The following LRMDA variants were observed in gnomAD, a reference collection of about 807,000 sequenced individuals.
The protein encoded by LRMDA is leucine rich melanocyte differentiation associated.
LRMDA carries 18 observed loss-of-function variants against 29.8 expected under a neutral mutation model. The ratio of observed to expected loss-of-function variants is 0.60; its 90% CI spans 0.42 to 0.90. The LOEUF is 0.90. Ranked by LOEUF, LRMDA falls within the 40% of genes least tolerant of loss-of-function variation. The pLI is 0.00. For missense variants in LRMDA, 273 were observed against 273.9 expected (o/e 1.00, Z 0.02); for synonymous variants, 125 against 109.4 (o/e 1.14, Z -0.89).
intron 5 of LRMDA, among the ~76,000 whole-genome samples, chr10:76,108,488 A>G (rs973819809): frequency 6.6e-6 from 1 of 152,194 alleles, no homozygotes; most frequent in African/African-American, 2.4e-5. Context: ...GTGCAAGGGT[A>G]TGTGTGTATA....
intron 4 of LRMDA, among the ~76,000 whole-genome samples, chr10:76,048,685 G>A (rs377217406): frequency 6.6e-6 from 1 of 152,138 alleles, no homozygotes; most frequent in African/African-American, 2.4e-5. Context: ...CAGTCCATAG[G>A]TGTTTCTGAT....
intron 1 of LRMDA, among the ~76,000 whole-genome samples, chr10:75,433,723 G>A (rs1299898204): frequency 6.6e-6 from 1 of 152,164 alleles, no homozygotes; most frequent in Non-Finnish European, 1.5e-5. Flanking sequence ...TGAGCCCATA[G>A]TGTGAATATA....
intron 5 of LRMDA, among the ~76,000 whole-genome samples, chr10:76,287,183 T>C (rs1358346521): frequency 7.6e-6 from 1 of 132,410 alleles, no homozygotes; most frequent in Non-Finnish European, 1.7e-5. Flanking sequence ...ATTTTGGTGG[T>C]GAATCTGGTT....
chr10:75,921,977 C>T (rs1846030738), intron 2 of LRMDA, among the ~76,000 whole-genome samples: 1 of 152,204 alleles, frequency 6.6e-6, no homozygotes. Context: ...CCTCTTCCTT[C>T]CCCCCAACAT....
chr10:75,839,809 C>T (rs375921031), intron 2 of LRMDA, among the ~76,000 whole-genome samples: 8 of 149,816 alleles, frequency 5.3e-5, no homozygotes, highest in East Asian at 2.0e-4. Context: ...CCCAGGTTCG[C>T]GCCATTCTTC....
chr10:75,467,886 G>A (rs1026469300), intron 2 of LRMDA, among the ~76,000 whole-genome samples: 4 of 151,662 alleles, frequency 2.6e-5, no homozygotes, highest in South Asian at 4.2e-4. Context: ...GCATGAACTC[G>A]GGAGGTGGAG....
At chr10:75,866,187 G>A (rs1845015974) in intron 2 of LRMDA, among the ~76,000 whole-genome samples, 1 of 152,230 alleles carries the variant, frequency 6.6e-6, no homozygotes, top group South Asian at 2.1e-4. Flanking sequence ...GAGGGATCAG[G>A]ATGGAAAGGC....
chr10:75,986,553 A>G (rs1847265262), intron 2 of LRMDA, among the ~76,000 whole-genome samples: 1 of 152,246 alleles, frequency 6.6e-6, no homozygotes, highest in East Asian at 1.9e-4. Flanking sequence ...AGCTTATGTG[A>G]TGATGGTGTA....
chr10:76,128,510 C>G (rs1408835737), intron 5 of LRMDA, among the ~76,000 whole-genome samples: 1 of 152,188 alleles, frequency 6.6e-6, no homozygotes, highest in East Asian at 1.9e-4. Flanking sequence ...CAAACTTTGA[C>G]TGGGAATGTG....
chr10:76,369,222 T>C (rs572677194), intron 6 of LRMDA, among the ~76,000 whole-genome samples: 19 of 152,352 alleles, frequency 1.2e-4, no homozygotes, highest in Middle Eastern at 3.4e-3. Flanking sequence ...GTGTGATTTA[T>C]GCTTTAAAGA....
intron 2 of LRMDA, among the ~76,000 whole-genome samples, chr10:75,925,868 G>T (rs1022678015): frequency 5.3e-5 from 8 of 152,018 alleles, no homozygotes; most frequent in African/African-American, 1.9e-4. Flanking sequence ...GGCCAGGCTG[G>T]TCTCGAACTA....
intron 2 of LRMDA, among the ~76,000 whole-genome samples, chr10:75,924,693 G>A (rs2132393667): frequency 2.0e-5 from 3 of 152,112 alleles, no homozygotes; most frequent in African/African-American, 7.2e-5. Context: ...GCTCAGCCGT[G>A]CTGAAAGAGG....
At chr10:76,418,665 T>C (rs1481385591) in intron 6 of LRMDA, among the ~76,000 whole-genome samples, 1 of 152,058 alleles carries the variant, frequency 6.6e-6, no homozygotes, top group Non-Finnish European at 1.5e-5. Context: ...TGAACATAAA[T>C]GGTCTTGAAA....
chr10:76,240,304 C>T lies in LRMDA; in HGVS notation c.517-84097C>T, dbSNP rs971814126. Among the ~76,000 whole-genome samples the T allele has an allele frequency of 3.3e-5, 5 of 151,196 alleles. 1 individual carries two copies. The highest frequency in any genetic ancestry group is 9.7e-5 in the African/African-American group (4 of 41,154). ...CAGCAACCTGGATGGAATTGGAGAC[C>T]ATTATTCTAAGTGAAGTAACTCAGG... On this transcript the variant is annotated intron_variant, in intron 5 of 6. Transcript: ENST00000611255.
At chr10:75,949,107 A>G (rs1207140017) in intron 2 of LRMDA, among the ~76,000 whole-genome samples, 1 of 152,146 alleles carries the variant, frequency 6.6e-6, no homozygotes, top group East Asian at 1.9e-4. Flanking sequence ...AAATTGCTGC[A>G]GCGTACTAGC....
chr10:76,133,366 T>TATCTGTCA (rs1263174358), intron 5 of LRMDA, among the ~76,000 whole-genome samples: 1 of 152,108 alleles, frequency 6.6e-6, no homozygotes, highest in East Asian at 1.9e-4. Context: ...GACAGATAAT[T>TATCTGTCA]GCTTGACAGC....
chr10:76,383,275 G>A (rs1056838355), intron 6 of LRMDA, among the ~76,000 whole-genome samples: 2 of 152,090 alleles, frequency 1.3e-5, no homozygotes, highest in African/African-American at 4.8e-5. Flanking sequence ...CTTAGCTGGA[G>A]GTTTCTCCTG....
chr10:76,128,193 C>T (rs544359192), intron 5 of LRMDA, among the ~76,000 whole-genome samples: 15 of 152,176 alleles, frequency 9.9e-5, no homozygotes, highest in South Asian at 6.2e-4. Flanking sequence ...ATTTCCAGGT[C>T]GGGAAAAGCG....
Position 76,000,410 on chromosome 10 carries a change from C to T in LRMDA, c.132-35598C>T, listed in dbSNP as rs958602094. 2.6e-5 allele frequency among the ~76,000 whole-genome samples: 4 copies of T among 152,152 alleles called. 1 individual carries two copies. The highest frequency in any genetic ancestry group is 7.2e-5 in the African/African-American group (3 of 41,438). On this transcript the variant is annotated intron_variant, in intron 2 of 6. Coordinates refer to ENST00000611255, the MANE Select transcript of LRMDA (RefSeq NM_001305581.2). ...CGGGTGGGGTGTGCATCTGTGTGCA[C>T]AGGCATAGCTCTGACTCCATGCACC...
Sources: allele counts gnomAD v4.1 joint callset (sites outside exome capture counted in the v4.1 genomes callset), GRCh38; gene constraint gnomAD v4.1.1; transcripts MANE v1.5; gene names NCBI Gene and HGNC (gene_info 2026-07-23, HGNC 2026-07-21).